PIGN: variants seen among roughly 807,000 people sequenced by gnomAD.
PIGN encodes GPI ethanolamine phosphate transferase 1.
Under a neutral mutation model 125.4 loss-of-function variants are expected in PIGN, and 117 were observed. The observed-to-expected ratio is 0.93, with a 90% CI of 0.80 to 1.09. The LOEUF is 1.09. PIGN is among the 50% of genes least tolerant of loss of function. PIGN has a pLI of 0.00. For missense variants in PIGN, 1,075 were observed against 1,094.9 expected, an observed-to-expected ratio of 0.98 and a Z score of 0.26; for synonymous variants, 392 against 377.8, an observed-to-expected ratio of 1.04 and a Z score of -0.44.
chr18:62,071,902 A>ATATATATATATG (rs2032893196), intron 30 of PIGN, among the ~76,000 whole-genome samples: 2 of 113,876 alleles, frequency 1.8e-5, no homozygotes, highest in African/African-American at 7.7e-5. Context: ...ATATATATAT[A>ATATATATATATG]TATATATAAA....
At chr18:62,052,284 CT>C (rs1323086112) in intron 30 of PIGN, 1 of 151,320 alleles carries the variant, frequency 6.6e-6, no homozygotes, top group African/African-American at 2.4e-5. Context: ...GTTGATCTGT[CT>C]AATGTTGACA....
intron 13 of PIGN, 141 bp downstream of exon 13, chr18:62,138,842 A>G (rs891248473): frequency 9.0e-6 from 5 of 557,304 alleles, no homozygotes; most frequent in Non-Finnish European, 1.6e-5. Context: ...AATGTGAAAC[A>G]CAAGTCAAAT....
intron 30 of PIGN, among the ~76,000 whole-genome samples, chr18:62,046,501 T>TTTTTTTTTTTTTTTTTTTAG (rs1359179855): frequency 6.9e-6 from 1 of 144,430 alleles, no homozygotes; most frequent in Non-Finnish European, 1.5e-5. Flanking sequence ...GTGCACTTCT[T>TTTTTTTTTTTTTTTTTTTAG]ATGAGAATCT....
At chr18:62,148,803 A>G (rs1209145108) in intron 7 of PIGN, among the ~76,000 whole-genome samples, 3 of 152,176 alleles carry the variant, frequency 2.0e-5, no homozygotes, top group Admixed American at 6.5e-5. Context: ...GAACATTGCA[A>G]ATAGCCTCCT....
At chr18:62,073,068 T>C (rs2032976526) in intron 29 of PIGN, among the ~76,000 whole-genome samples, 1 of 152,138 alleles carries the variant, frequency 6.6e-6, no homozygotes, top group Admixed American at 6.6e-5. Flanking sequence ...ATATTTACTG[T>C]ACTGACTACC....
intron 20 of PIGN, chr18:62,105,085 T>C (rs1237531117): frequency 6.6e-6 from 1 of 152,316 alleles, no homozygotes; most frequent in African/African-American, 2.4e-5. Context: ...TTTCCTCCCA[T>C]GGAGATCTTT....
intron 22 of PIGN, among the ~76,000 whole-genome samples, chr18:62,096,980 C>T (rs1422362183): frequency 2.0e-5 from 3 of 151,382 alleles, no homozygotes; most frequent in African/African-American, 2.4e-5. Context: ...TGAATAGTGC[C>T]GCAATAAACA....
intron 30 of PIGN, among the ~76,000 whole-genome samples, chr18:62,071,940 T>C (rs1455381145): frequency 7.2e-6 from 1 of 138,368 alleles, no homozygotes; most frequent in Admixed American, 7.4e-5. Flanking sequence ...CTCAGGCAGG[T>C]CCTTCAGGAG....
rs779817277 is a variant in PIGN at position 62,045,831 on chromosome 18, G to C, written c.*25C>G. On this transcript the variant is annotated 3_prime_UTR_variant, in exon 31 of 31. Transcript: ENST00000640252. Reference sequence around the variant, plus strand: ...AGCTTAAAAGGAGAATCAGGATCCAGATGCTGAATGGTGCTTCAGCAACCT... The same window carrying C: ...AGCTTAAAAGGAGAATCAGGATCCACATGCTGAATGGTGCTTCAGCAACCT... The C allele has an allele frequency of 1.9e-6, 3 of 1,612,122 alleles. No individual in the cohort carries two copies. The highest frequency in any genetic ancestry group is 2.5e-6 in the Non-Finnish European group (3 of 1,178,822).
intron 30 of PIGN, among the ~76,000 whole-genome samples, chr18:62,058,645 T>A (rs62095271): frequency 0.17 from 25,739 of 152,244 alleles, 2,936 homozygotes; most frequent in Middle Eastern, 0.28. Flanking sequence ...ACATGTTGAA[T>A]AGTGGTTCTC....
downstream of PIGN, among the ~76,000 whole-genome samples, chr18:62,040,840 C>T (rs934684426): frequency 6.6e-6 from 1 of 152,154 alleles, no homozygotes; most frequent in Non-Finnish European, 1.5e-5. Flanking sequence ...CTGTGTTGGT[C>T]CCTTCGTTAA....
intron 30 of PIGN, among the ~76,000 whole-genome samples, chr18:62,068,863 G>C (rs7240501): frequency 0.03 from 4,556 of 152,174 alleles, 220 homozygotes; most frequent in African/African-American, 0.1. Context: ...CCCCACACTT[G>C]CAGTGTTCAG....
intron 7 of PIGN, chr18:62,154,022 T>C (rs904759748): frequency 6.6e-6 from 1 of 152,586 alleles, no homozygotes; most frequent in African/African-American, 2.4e-5. Flanking sequence ...ACTATGATAA[T>C]TGTCATTATA....
intron 14 of PIGN, chr18:62,123,569 T>C (rs1259324030): frequency 6.6e-6 from 1 of 151,926 alleles, no homozygotes; most frequent in Non-Finnish European, 1.5e-5. Context: ...AAAATAAGAG[T>C]GAGGAAACTG....
chr18:62,086,171 AAT>A (rs1050145905), intron 25 of PIGN, among the ~76,000 whole-genome samples: 1 of 152,238 alleles, frequency 6.6e-6, no homozygotes, highest in Non-Finnish European at 1.5e-5. Flanking sequence ...TGATGACAGA[AAT>A]AGAGGAGAGA....
rs146069223 is a variant in PIGN, at chr18:62,160,164, T to A, written c.221+969A>T. 3.3e-5 allele frequency among the ~76,000 whole-genome samples: 5 copies of A among 152,208 alleles called. No homozygotes were observed. The East Asian group carries it at 9.7e-4, about 29-fold the overall frequency. Reference sequence around the variant, plus strand: ...AGAGTAAAATGATAGGAGGTAATGATGACAGATGGAGATGGGGGAAGACAC... The same window carrying A: ...AGAGTAAAATGATAGGAGGTAATGAAGACAGATGGAGATGGGGGAAGACAC... On this transcript the variant is annotated intron_variant, in intron 4 of 30. Transcript: ENST00000640252.
At chr18:62,067,240 TC>T (rs2145586301) in intron 30 of PIGN, among the ~76,000 whole-genome samples, 1 of 152,282 alleles carries the variant, frequency 6.6e-6, no homozygotes, top group Non-Finnish European at 1.5e-5. Context: ...TGAAACAAAG[TC>T]CCTCCTACTA....
intron 1 of PIGN, among the ~76,000 whole-genome samples, chr18:62,173,315 C>T (rs1052178566): frequency 6.6e-6 from 1 of 152,192 alleles, no homozygotes; most frequent in Non-Finnish European, 1.5e-5. Flanking sequence ...TGCAACAGCA[C>T]AATTTCCGAG....
chr18:62,173,322 C>T (rs747814728), intron 1 of PIGN, among the ~76,000 whole-genome samples: 5 of 152,148 alleles, frequency 3.3e-5, no homozygotes, highest in Non-Finnish European at 7.3e-5. Context: ...GCACAATTTC[C>T]GAGCCTCAGA....
Sources: allele counts gnomAD v4.1 joint callset (sites outside exome capture counted in the v4.1 genomes callset), GRCh38; gene constraint gnomAD v4.1.1; transcripts MANE v1.5; gene names NCBI Gene and HGNC (gene_info 2026-07-23, HGNC 2026-07-21).